CLIC6: variants seen among roughly 807,000 people sequenced by gnomAD.
CLIC6 encodes the protein CLIC family member 6.
A neutral mutation model predicts 49.2 loss-of-function variants in CLIC6; 39 were observed. The ratio of observed to expected loss-of-function variants is 0.79; its 90% confidence interval spans 0.61 to 1.04. CLIC6 has a LOEUF of 1.04. Ranked by LOEUF, CLIC6 falls within the 50% of genes least tolerant of loss-of-function variation. The pLI is 0.00. For missense variants in CLIC6, 988 were observed against 993.1 expected (o/e 0.99, Z 0.07); for synonymous variants, 446 against 433.4 (o/e 1.03, Z -0.36).
chr21:34,669,416 G>T lies in CLIC6; in HGVS notation c.28G>T (p.Val10Phe). 5 of 1,236,012 alleles carry T rather than the reference G, an allele frequency of 4.0e-6. No individual in the cohort carries two copies. The highest frequency in any genetic ancestry group is 5.0e-6 in the Non-Finnish European group (5 of 990,512). 76.6% of individuals were successfully genotyped at this position (1,236,012 alleles called of 1,614,324 possible). A position where few individuals can be genotyped will look rare whatever the true frequency, so the allele number is the denominator to read the frequency against. Reference protein sequence around the residue: MAEAAEPEGVAPGPQGPPEV... With the variant: MAEAAEPEGFAPGPQGPPEV... ...GGCCGAGGCCGCGGAGCCGGAGGGG[G>T]TTGCCCCGGGTCCCCAGGGGCCGCC... Residue 10 changes from valine to phenylalanine, a missense_variant, in exon 1 of 6, where the codon GTT becomes TTT. Physicochemically the swap from Val to Phe is conservative, Grantham distance 50 (BLOSUM62 -1). Transcript: ENST00000349499.
In CLIC6 at chr21:34,716,859, CT is replaced by C. The variant is rs879327160; in HGVS notation, c.*378del. ...TCTCTCTCTCTCTCTCTCTCTCTCT[CT>C]ATCACACACACACACACACACACAC... is the stretch of plus-strand genomic sequence containing the variant. On this transcript the variant is annotated 3_prime_UTR_variant, in exon 6 of 6. Coordinates refer to ENST00000349499, the MANE Select transcript of CLIC6 (RefSeq NM_053277.3). 0.036 allele frequency: 4,813 copies of C among 132,058 alleles called. 93 individuals carry two copies. The highest frequency in any genetic ancestry group is 0.12 in the Middle Eastern group (30 of 258). The allele number at this position is 132,058 out of a possible 1,614,324, so 8.2% of individuals were successfully genotyped here.
chr21:34,705,201 C>T lies in CLIC6; in HGVS notation c.1375-2079C>T, dbSNP rs527481473. On this transcript the variant is annotated intron_variant, in intron 1 of 5. Transcript: ENST00000349499. ...ACATGCGTCCTTGCACTTTCTTCTC[C>T]CCGCTCCGCCTTTGCTTGGCTTGAC... 7.9e-5 allele frequency among the ~76,000 whole-genome samples: 12 copies of T among 152,254 alleles called. 1 individual carries two copies. In the East Asian group the frequency reaches 2.3e-3, roughly 29 times the overall value.
chr21:34,712,386 T>A (rs576241024), intron 5 of CLIC6, among the ~76,000 whole-genome samples: 1 of 152,200 alleles, frequency 6.6e-6, no homozygotes, highest in East Asian at 1.9e-4. Flanking sequence ...ACTTAAAGAG[T>A]AGGAAGCTTC....
rs1568974601 is a variant in CLIC6, at chr21:34,717,204, G to C, written c.*722G>C. Reference sequence around the variant, plus strand: ...GGCAAGGGGGAGGGTGCTTATCCGTGTCTCTGGTTCCAGCTTCCTGTCTTT... The same window carrying C: ...GGCAAGGGGGAGGGTGCTTATCCGTCTCTCTGGTTCCAGCTTCCTGTCTTT... On this transcript the variant is annotated 3_prime_UTR_variant, in exon 6 of 6. Transcript: ENST00000349499. 6.6e-6 allele frequency: 1 copy of C among 152,216 alleles called. No individual in the cohort carries two copies. 9.4% of individuals were successfully genotyped at this position (152,216 alleles called of 1,614,324 possible).
At chr21:34,694,994 A>G (rs1338155263) in intron 1 of CLIC6, among the ~76,000 whole-genome samples, 1 of 152,226 alleles carries the variant, frequency 6.6e-6, no homozygotes, top group Non-Finnish European at 1.5e-5. Context: ...ATTCAGCTGT[A>G]TTCATTTTCT....
Position 34,685,339 on chromosome 21 carries a change from A to G in CLIC6, c.1374+14577A>G, listed in dbSNP as rs1302415966. Among the ~76,000 whole-genome samples the G allele has an allele frequency of 1.3e-5, 2 of 152,208 alleles. 1 individual carries two copies. Among genetic ancestry groups the G allele is most frequent in the African/African-American group, 4.8e-5 (2 of 41,452 alleles). ...ATGGGGTCCTTAGGGTGAAGGCCAT[A>G]TGGCCTGTCCAAGACGTCGGCACAT... On this transcript the variant is annotated intron_variant, in intron 1 of 5. Transcript: ENST00000349499.
intron 1 of CLIC6, among the ~76,000 whole-genome samples, chr21:34,681,916 T>C (rs1989786630): frequency 6.6e-6 from 1 of 152,178 alleles, no homozygotes; most frequent in Non-Finnish European, 1.5e-5. Flanking sequence ...CCACAAAAAA[T>C]AGTACACTGG....
intron 1 of CLIC6, among the ~76,000 whole-genome samples, chr21:34,691,749 C>A (rs989801644): frequency 1.2e-4 from 18 of 152,172 alleles, no homozygotes; most frequent in African/African-American, 4.3e-4. Flanking sequence ...TTTGTTTGTG[C>A]TGAGAGCCGT....
rs1989505202 is a variant in CLIC6 at position 34,669,960 on chromosome 21, ACGCGGAAGGTCC to A, written c.573_584del (p.Asp191_Pro195delinsGlu). On this transcript the variant is annotated inframe_deletion, in exon 1 of 6. Coordinates refer to ENST00000349499, the MANE Select transcript of CLIC6 (RefSeq NM_053277.3). ...GAGGGCCGGGTGGGGGACAGCGTAG[ACGCGGAAGGTCC>A]GGCGGGGGACAGCGTAGACGCGGAG... The A allele has an allele frequency of 7.4e-7, 1 of 1,353,966 alleles. No individual in the cohort carries two copies. Among genetic ancestry groups the A allele is most frequent in the Non-Finnish European group, 9.4e-7 (1 of 1,063,338 alleles). The allele number at this position is 1,353,966 out of a possible 1,614,324, so 83.9% of individuals were successfully genotyped here.
chr21:34,674,763 T>C (rs1989630289), intron 1 of CLIC6, among the ~76,000 whole-genome samples: 1 of 152,234 alleles, frequency 6.6e-6, no homozygotes, highest in East Asian at 1.9e-4. Flanking sequence ...AGAAAGGTTC[T>C]TTTTCTTTCC....
At chr21:34,715,099 C>T (rs1026825357) in intron 5 of CLIC6, among the ~76,000 whole-genome samples, 12 of 152,144 alleles carry the variant, frequency 7.9e-5, no homozygotes, top group Non-Finnish European at 1.5e-5. Flanking sequence ...CAGTAAGCCC[C>T]AAAGATCTTC....
chr21:34,694,135 A>ATTTT (rs57210806), intron 1 of CLIC6, among the ~76,000 whole-genome samples: 17,059 of 128,052 alleles, frequency 0.13, 1,234 homozygotes, highest in African/African-American at 0.16. Context: ...CGCCTGGTTA[A>ATTTT]TTTTTTTTTT....
intron 1 of CLIC6, among the ~76,000 whole-genome samples, chr21:34,688,896 C>T (rs141071708): frequency 3.2e-4 from 49 of 152,320 alleles, no homozygotes; most frequent in Middle Eastern, 3.4e-3. Flanking sequence ...TATTCTATGA[C>T]TCCTTCGAAG....
At chr21:34,678,088 G>C (rs1989706013) in intron 1 of CLIC6, among the ~76,000 whole-genome samples, 1 of 151,978 alleles carries the variant, frequency 6.6e-6, no homozygotes, top group Non-Finnish European at 1.5e-5. Flanking sequence ...AGATGCAACA[G>C]AGACTCTGTG....
rs555462435 is a variant in CLIC6, at chr21:34,716,525, GGATA to G, written c.*44_*47del. 80 of 1,536,838 alleles carry G rather than the reference GGATA, an allele frequency of 5.2e-5. 1 individual carries two copies. In the South Asian group the frequency reaches 9.4e-4, roughly 18 times the overall value. On this transcript the variant is annotated 3_prime_UTR_variant, in exon 6 of 6. Transcript: ENST00000349499. ...TCTTATTTCTCAGTTGAGTGAGCAA[GGATA>G]CGAAAACAGTGTGTTTGAAAACAAA...
chr21:34,695,169 G>T (rs530313861), intron 1 of CLIC6, among the ~76,000 whole-genome samples: 62 of 152,296 alleles, frequency 4.1e-4, no homozygotes, highest in Non-Finnish European at 6.3e-4. Flanking sequence ...AGATAATCCA[G>T]GTCCTCACCT....
intron 1 of CLIC6, among the ~76,000 whole-genome samples, chr21:34,702,640 T>C (rs1165196744): frequency 6.6e-6 from 1 of 152,176 alleles, no homozygotes; most frequent in Non-Finnish European, 1.5e-5. Context: ...GGGCTGGCTG[T>C]GTGGCTTGAA....
intron 1 of CLIC6, among the ~76,000 whole-genome samples, chr21:34,680,564 A>G (rs560147912): frequency 6.6e-6 from 1 of 152,106 alleles, no homozygotes; most frequent in Non-Finnish European, 1.5e-5. Flanking sequence ...CAGGCTGCAA[A>G]TTTTCCTAAC....
At chr21:34,708,988 T>C (rs2056036821) in intron 4 of CLIC6, among the ~76,000 whole-genome samples, 182 bp downstream of exon 4, 3 of 152,316 alleles carry the variant, frequency 2.0e-5, no homozygotes, top group South Asian at 4.1e-4. Context: ...AATGCTTCTT[T>C]TGAGGCTGGG....
Sources: gnomAD v4.1 joint callset for allele counts (sites outside exome capture counted in the v4.1 genomes callset) on GRCh38, gnomAD v4.1.1 for gene constraint, MANE v1.5 for transcripts, NCBI Gene and HGNC (gene_info 2026-07-23, HGNC 2026-07-21) for gene names.